The following ACAP3 variants were observed in gnomAD, a reference collection of about 807,000 sequenced individuals.
ACAP3 encodes arf-GAP with coiled-coil, ANK repeat and PH domain-containing protein 3.
A neutral mutation model predicts 104.1 loss-of-function variants in ACAP3; 56 were observed. The observed-to-expected ratio is 0.54, with a 90% CI of 0.43 to 0.67. ACAP3 has a LOEUF of 0.67. ACAP3 is among the 30% of genes least tolerant of loss of function. ACAP3 has a pLI of 0.00. For missense variants in ACAP3, 1,208 were observed against 1,174.9 expected, an observed-to-expected ratio of 1.03 and a Z score of -0.41; for synonymous variants, 628 against 496.2, an observed-to-expected ratio of 1.27 and a Z score of -3.53.
chr1:1,295,394 G>T, intron 19 of ACAP3, 53 bp downstream of exon 19: 2 of 1,548,078 alleles, frequency 1.3e-6, no homozygotes, highest in African/African-American at 1.4e-5. Flanking sequence ...CACCCTTCAG[G>T]CCAGCCTCCT....
In ACAP3 at chr1:1,296,123, G is replaced by A. The variant is rs376193058; in HGVS notation, c.1408-14C>T. On this transcript the variant is annotated splice_polypyrimidine_tract_variant and intron_variant, in intron 16 of 23. Coordinates refer to ENST00000354700, the MANE Select transcript of ACAP3 (RefSeq NM_030649.3). ...CTCACACATCAGCTAGCGGGAGACA[G>A]GGCGAGCAGGCATCAGTGCGAACCT... is the stretch of plus-strand genomic sequence containing the variant. 110 of 1,612,454 alleles carry A rather than the reference G, an allele frequency of 6.8e-5. No individual in the cohort carries two copies. Among genetic ancestry groups the A allele is most frequent in the Non-Finnish European group, 8.5e-5 (100 of 1,179,896 alleles).
In ACAP3 at chr1:1,294,537, C is replaced by T. The variant is rs766122762; in HGVS notation, c.2004G>A (p.Pro668=). ...GCGCTGCGCGGTGCGCCAAGAGCCC[C>T]GGGTGCAGCTCGCGCACGTCCGCCA... ...WGLADVRELH[P]GLLAHRAARA... The change falls in exon 21 of 24, where the codon CCG becomes CCA. Residue 668 remains proline, a synonymous_variant. Transcript: ENST00000354700. 2 of 1,497,306 alleles carry T rather than the reference C, an allele frequency of 1.3e-6. No homozygotes were observed. The highest frequency in any genetic ancestry group is 1.8e-6 in the Non-Finnish European group (2 of 1,133,450). 92.8% of individuals were successfully genotyped at this position (1,497,306 alleles called of 1,614,324 possible).
In ACAP3 at chr1:1,304,103, C is replaced by T; in HGVS notation, c.88G>A (p.Glu30Lys). Residue 30 changes from glutamate (E) to lysine (K), a missense_variant, in exon 2 of 24, where the codon GAG (glutamate) becomes AAG (lysine). Transcript: ENST00000354700. ...CCCTTCACCTTGTCCAGTTTGGCCT[C>T]AATCTCCACCACGTCCGTCTCCACC... ...DEVETDVVEI[E>K]AKLDKLVKLC... 3 of 1,550,690 alleles carry T rather than the reference C, an allele frequency of 1.9e-6. No individual in the cohort carries two copies. Among genetic ancestry groups the T allele is most frequent in the Non-Finnish European group, 2.6e-6 (3 of 1,146,878 alleles).
At position 1,293,568 on chromosome 1, in the gene ACAP3, C is replaced by T; in HGVS notation, c.2501G>A (p.Ser834Asn). The T allele has an allele frequency of 2.0e-6, 3 of 1,485,020 alleles. No individual in the cohort carries two copies. Among genetic ancestry groups the T allele is most frequent in the Non-Finnish European group, 1.8e-6 (2 of 1,122,352 alleles). The allele number at this position is 1,485,020 out of a possible 1,614,324, so 92.0% of individuals were successfully genotyped here. Reference sequence around the variant, plus strand: ...AGCTGCCCGGCCTGCCCGGCCCTAGCTCTCTTCCAGGTGGAGGCTGATGAA... The same window carrying T: ...AGCTGCCCGGCCTGCCCGGCCCTAGTTCTCTTCCAGGTGGAGGCTGATGAA... ...QEFISLHLEE[S>N] The change falls in exon 24 of 24, where the codon AGC becomes AAC. Residue 834 changes from serine to asparagine, a missense_variant. Transcript: ENST00000354700.
chr1:1,296,134 C>T lies in ACAP3; in HGVS notation c.1408-25G>A, dbSNP rs376304551. ...GCTAGCGGGAGACAGGGCGAGCAGG[C>T]ATCAGTGCGAACCTGCAGACCCCAG... On this transcript the variant is annotated intron_variant, in intron 16 of 23. Transcript: ENST00000354700. 1.2e-5 allele frequency: 20 copies of T among 1,611,958 alleles called. No individual in the cohort carries two copies. In the African/African-American group the frequency reaches 2.1e-4, roughly 17 times the overall value.
At chr1:1,299,735 A>T in intron 9 of ACAP3, 96 bp downstream of exon 9, 2 of 1,359,124 alleles carry the variant, frequency 1.5e-6, no homozygotes, top group African/African-American at 2.9e-5. Flanking sequence ...GGAGACAGGC[A>T]GGAGGAAGGG....
intron 1 of ACAP3, chr1:1,307,166 TGTA>T (rs1311286554): frequency 2.4e-6 from 3 of 1,267,542 alleles, no homozygotes; most frequent in Middle Eastern, 2.1e-4. Context: ...TCTGTGAACA[TGTA>T]GTTCACGCAG....
At chr1:1,295,290 C>T (rs988270669) in intron 19 of ACAP3, among the ~76,000 whole-genome samples, 157 bp downstream of exon 19, 2 of 152,162 alleles carry the variant, frequency 1.3e-5, no homozygotes, top group Non-Finnish European at 2.9e-5. Context: ...TCACCCCTGA[C>T]AGTCAGGGCC....
chr1:1,307,852 C>G lies in ACAP3; in HGVS notation c.-37G>C. The G allele has an allele frequency of 9.8e-7, 1 of 1,018,090 alleles. No homozygotes were observed. Among genetic ancestry groups the G allele is most frequent in the Non-Finnish European group, 1.2e-6 (1 of 851,594 alleles). 63.1% of individuals were successfully genotyped at this position (1,018,090 alleles called of 1,614,324 possible). ...CCGCGGCGCTCACTGGCACGAGGAC[C>G]GCGGCGCCGAGCGGCAGCCGCGCCG... On this transcript the variant is annotated 5_prime_UTR_variant, in exon 1 of 24. Transcript: ENST00000354700.
intron 14 of ACAP3, 50 bp downstream of exon 14, chr1:1,297,772 G>C (rs1198807806): frequency 1.3e-6 from 2 of 1,564,790 alleles, no homozygotes; most frequent in African/African-American, 2.7e-5. Flanking sequence ...GCCATCCCCG[G>C]TGGCACGTGT....
At position 1,296,025 on chromosome 1, in the gene ACAP3, T is replaced by G. The variant is rs759638207; in HGVS notation, c.1492A>C (p.Ser498Arg). The change falls in exon 17 of 24, where the codon AGC (serine) becomes CGC (arginine). Residue 498 changes from serine (S) to arginine (R), a missense_variant. Ser to Arg is a moderately radical substitution (Grantham distance 110). Transcript: ENST00000354700. ...EGAGSRKPTA[S>R]SSRQDKEAWI... ...TGTACCCCACCTCACCGGGAGCTGC[T>G]GGCTGTGGGTTTCCTGCTGCCTGCA... The G allele has an allele frequency of 3.5e-5, 56 of 1,612,688 alleles. No individual in the cohort carries two copies. Among genetic ancestry groups the G allele is most frequent in the Non-Finnish European group, 2.5e-6 (3 of 1,179,964 alleles).
intron 22 of ACAP3, 33 bp from the exon 23 acceptor site, chr1:1,293,966 C>CG (rs1640981191): frequency 4.8e-6 from 3 of 621,006 alleles, no homozygotes; most frequent in Non-Finnish European, 8.2e-6. Flanking sequence ...CGTGTCGGGG[C>CG]GGGGCGGGGC....
rs776893425 is a variant in ACAP3, at chr1:1,297,921, C to T, written c.1029G>A (p.Leu343=). 25 of 1,611,834 alleles carry T rather than the reference C, an allele frequency of 1.6e-5. No individual in the cohort carries two copies. The South Asian group carries it at 1.8e-4, about 11-fold the overall frequency. The change falls in exon 14 of 24, where the codon CTG becomes CTA. Residue 343 remains leucine, a synonymous_variant. Transcript: ENST00000354700. The part of the protein sequence containing the change: ...EVLSPTKSCM[L]QADSEKLRQA... ...GCCGCAGCTTCTCGGAGTCAGCCTG[C>T]AGCATGCAGCTCCTGCAGGCAGTGG...
intron 14 of ACAP3, 84 bp downstream of exon 14, chr1:1,297,738 T>C (rs1641249843): frequency 7.8e-7 from 1 of 1,277,200 alleles, no homozygotes; most frequent in Non-Finnish European, 1.1e-6. Flanking sequence ...GGCACGTGTG[T>C]GTGTGCACAG....
chr1:1,300,804 T>C, intron 5 of ACAP3, 112 bp from the exon 6 acceptor site: 1 of 1,153,910 alleles, frequency 8.7e-7, no homozygotes, highest in South Asian at 1.4e-5. Context: ...GGAGTTTCGC[T>C]CTTGTCACCC....
intron 9 of ACAP3, 26 bp from the exon 10 acceptor site, chr1:1,299,382 A>AG: frequency 2.0e-6 from 3 of 1,530,410 alleles, no homozygotes; most frequent in Non-Finnish European, 2.6e-6. Context: ...AGGAGGGGGT[A>AG]GGGGGAGAAA....
Position 1,298,428 on chromosome 1 carries a change from G to A in ACAP3, c.864-7C>T, listed in dbSNP as rs745623348. 1.9e-6 allele frequency: 3 copies of A among 1,600,198 alleles called. No individual in the cohort carries two copies. The highest frequency in any genetic ancestry group is 2.6e-6 in the Non-Finnish European group (3 of 1,172,936). ...CTGAATGGAGAACCAGCGCCTAGGT[G>A]GGTGGGGGGATGTGGGGAGTCAGGC... On this transcript the variant is annotated splice_region_variant and splice_polypyrimidine_tract_variant and intron_variant, in intron 11 of 23. Coordinates refer to ENST00000354700, the MANE Select transcript of ACAP3 (RefSeq NM_030649.3).
chr1:1,293,990 T>C (rs927542283), intron 22 of ACAP3, 57 bp from the exon 23 acceptor site: 163 of 1,463,824 alleles, frequency 1.1e-4, no homozygotes, highest in East Asian at 4.1e-4. Context: ...GCGAGTGTGG[T>C]CGCGGGGGCG....
In ACAP3 at chr1:1,303,565, G is replaced by A. The variant is rs560112964; in HGVS notation, c.106-284C>T. ...GGACCAGCAGAACCAGCCCATGTGG[G>A]GCTCATGGATAAGGCTGCCCACTCC... On this transcript the variant is annotated intron_variant, in intron 2 of 23. Coordinates refer to ENST00000354700, the MANE Select transcript of ACAP3 (RefSeq NM_030649.3). This position sits in a 1 kb window ranked among gnomAD's most constrained non-coding sequence, Gnocchi z 4.0. 2.7e-4 allele frequency: 146 copies of A among 543,520 alleles called. No individual in the cohort carries two copies. In the South Asian group the frequency reaches 2.9e-3, roughly 11 times the overall value. The allele number at this position is 543,520 out of a possible 1,614,324, so 33.7% of individuals were successfully genotyped here.
Sources: allele counts gnomAD v4.1 joint callset (sites outside exome capture counted in the v4.1 genomes callset), GRCh38; gene constraint gnomAD v4.1.1; non-coding constraint Gnocchi (gnomAD v3.1); transcripts MANE v1.5; gene names NCBI Gene and HGNC (gene_info 2026-07-23, HGNC 2026-07-21).